Variants in EHHADH observed in about 807,000 individuals in gnomAD.
EHHADH encodes enoyl-CoA hydratase and 3-hydroxyacyl CoA dehydrogenase.
EHHADH carries 48 observed loss-of-function variants against 64.4 expected under a neutral mutation model. The observed-to-expected ratio is 0.75, with a 90% CI of 0.59 to 0.95. EHHADH has a LOEUF of 0.95. EHHADH is among the 40% of genes least tolerant of loss of function. The pLI is 0.00. For synonymous variants in EHHADH, 308 were observed against 326.7 expected, an observed-to-expected ratio of 0.94 and a Z score of 0.62; for missense variants, 854 against 876.6, an observed-to-expected ratio of 0.97 and a Z score of 0.33.
At chr3:185,242,928 G>A (rs531528798) in intron 2 of EHHADH, among the ~76,000 whole-genome samples, 3 of 152,278 alleles carry the variant, frequency 2.0e-5, no homozygotes, top group East Asian at 1.9e-4. Context: ...GCAGACTTTC[G>A]TCTCCCTGTG....
At chr3:185,220,523 A>C (rs553857059) in intron 4 of EHHADH, among the ~76,000 whole-genome samples, 1 of 152,324 alleles carries the variant, frequency 6.6e-6, no homozygotes, top group African/African-American at 2.4e-5. Flanking sequence ...GGTTTGTGTA[A>C]GTAAACCATG....
intron 5 of EHHADH, among the ~76,000 whole-genome samples, chr3:185,214,858 G>T (rs1042999866): frequency 6.6e-6 from 1 of 152,242 alleles, no homozygotes; most frequent in African/African-American, 2.4e-5. Flanking sequence ...TAATCTAAAA[G>T]CTTTAGTGAG....
chr3:185,197,157 G>C (rs1336573405), intron 6 of EHHADH, among the ~76,000 whole-genome samples: 2 of 152,134 alleles, frequency 1.3e-5, no homozygotes, highest in Admixed American at 1.3e-4. Context: ...CTGTTGATGG[G>C]TAGAGGATTT....
At chr3:185,215,347 G>C (rs1326724744) in intron 5 of EHHADH, among the ~76,000 whole-genome samples, 1 of 152,012 alleles carries the variant, frequency 6.6e-6, no homozygotes, top group Non-Finnish European at 1.5e-5. Flanking sequence ...AAATATTAAT[G>C]CATGCAACAA....
intron 6 of EHHADH, among the ~76,000 whole-genome samples, chr3:185,200,592 G>GC (rs984543081): frequency 1.3e-5 from 2 of 152,168 alleles, no homozygotes; most frequent in African/African-American, 4.8e-5. Flanking sequence ...CCTCACAGAT[G>GC]CATATAGACA....
intron 2 of EHHADH, among the ~76,000 whole-genome samples, chr3:185,247,145 G>T (rs952158631): frequency 2.0e-5 from 3 of 152,066 alleles, no homozygotes; most frequent in African/African-American, 7.2e-5. Flanking sequence ...GTCAATTTTT[G>T]TAAATGTTCC....
Position 185,245,477 on chromosome 3 carries a change from A to G in EHHADH, c.178+2937T>C, listed in dbSNP as rs1203674020. 3 of 1,006,922 alleles carry G rather than the reference A, an allele frequency of 3.0e-6. No homozygotes were observed. In the Admixed American group the frequency reaches 7.9e-5, roughly 26 times the overall value. The allele number at this position is 1,006,922 out of a possible 1,614,324, so 62.4% of individuals were successfully genotyped here. ...TTAGCAAATTAGTTAGCTTTGGCAC[A>G]GGGCTGTGCTCGCTTGCCCATGACA... On this transcript the variant is annotated intron_variant, in intron 2 of 6. Coordinates refer to ENST00000231887, the MANE Select transcript of EHHADH (RefSeq NM_001966.4).
chr3:185,243,175 C>G (rs1269512331), intron 2 of EHHADH, among the ~76,000 whole-genome samples: 5 of 152,248 alleles, frequency 3.3e-5, no homozygotes, highest in Non-Finnish European at 4.4e-5. Flanking sequence ...GGATCTCCCT[C>G]TCCCATTTCC....
At chr3:185,228,257 A>AAAAAAATATATATATAT (rs1367786172) in intron 4 of EHHADH, among the ~76,000 whole-genome samples, 3 of 22,002 alleles carry the variant, frequency 1.4e-4, no homozygotes, top group Non-Finnish European at 3.2e-4. Flanking sequence ...AAAAAAAAAA[A>AAAAAAATATATATATAT]ATATATATAT....
intron 2 of EHHADH, chr3:185,245,681 C>A: frequency 1.4e-6 from 1 of 714,034 alleles, no homozygotes; most frequent in Non-Finnish European, 2.6e-6. Flanking sequence ...TTGGAATCTT[C>A]CTTTACAAGT....
At chr3:185,249,912 A>G (rs1719700405) in intron 1 of EHHADH, among the ~76,000 whole-genome samples, 1 of 152,198 alleles carries the variant, frequency 6.6e-6, no homozygotes, top group Non-Finnish European at 1.5e-5. Context: ...GAGTTCTTAA[A>G]GATTTGGGTA....
chr3:185,241,105 A>G (rs1038983687), intron 2 of EHHADH, among the ~76,000 whole-genome samples: 1 of 152,120 alleles, frequency 6.6e-6, no homozygotes, highest in East Asian at 1.9e-4. Flanking sequence ...ATAGTCTCCA[A>G]TCTCATCCAG....
intron 6 of EHHADH, among the ~76,000 whole-genome samples, chr3:185,202,270 C>G (rs144414112): frequency 1.4e-5 from 2 of 147,272 alleles, no homozygotes; most frequent in Admixed American, 7.0e-5. Flanking sequence ...ACCTGGGAGG[C>G]GGAGGTTGTG....
At chr3:185,226,402 A>C (rs1171927504) in intron 4 of EHHADH, among the ~76,000 whole-genome samples, 2 of 152,156 alleles carry the variant, frequency 1.3e-5, no homozygotes, top group African/African-American at 4.8e-5. Context: ...TAATCCCAGC[A>C]CTTTGGGAGG....
intron 4 of EHHADH, among the ~76,000 whole-genome samples, chr3:185,223,156 G>A (rs1718881167): frequency 6.6e-6 from 1 of 152,116 alleles, no homozygotes; most frequent in Admixed American, 6.5e-5. Flanking sequence ...CCTCTGTTAT[G>A]TATCTTCCAT....
At chr3:185,195,532 T>C (rs1577352679) in intron 6 of EHHADH, among the ~76,000 whole-genome samples, 1 of 152,308 alleles carries the variant, frequency 6.6e-6, no homozygotes, top group East Asian at 1.9e-4. Flanking sequence ...TGAAAATACA[T>C]GTCCACATAA....
chr3:185,192,508 T>G lies in EHHADH; in HGVS notation c.1890A>C (p.Glu630Asp). ...LERCLYSLIN[E>D]AFRILGEGIA... ...TCCCTTCTCCCAAGATACGGAATGCTTCATTGATAAGTGAATATAAGCAGC... is the reference window on the plus strand; with the variant it reads ...TCCCTTCTCCCAAGATACGGAATGCGTCATTGATAAGTGAATATAAGCAGC... Residue 630 changes from glutamate to aspartate, a missense_variant, in exon 7 of 7, where the codon GAA becomes GAC. Coordinates refer to ENST00000231887, the MANE Select transcript of EHHADH (RefSeq NM_001966.4). The G allele has an allele frequency of 6.2e-7, 1 of 1,614,222 alleles. No homozygotes were observed. The highest frequency in any genetic ancestry group is 8.5e-7 in the Non-Finnish European group (1 of 1,180,036).
Position 185,253,245 on chromosome 3 carries a change from A to G in EHHADH, c.74+704T>C, listed in dbSNP as rs1719797948. 2.6e-5 allele frequency: 4 copies of G among 151,364 alleles called. No individual in the cohort carries two copies. In the South Asian group the frequency reaches 8.4e-4, roughly 32 times the overall value. The allele number at this position is 151,364 out of a possible 1,614,324, so 9.4% of individuals were successfully genotyped here. On this transcript the variant is annotated intron_variant, in intron 1 of 6. Coordinates refer to ENST00000231887, the MANE Select transcript of EHHADH (RefSeq NM_001966.4). Reference sequence around the variant, plus strand: ...GTGGGACTTTTAACATTAAAAAAAAAAAAAAAAAAAGTCCCACTAATGCCA... The same window carrying G: ...GTGGGACTTTTAACATTAAAAAAAAGAAAAAAAAAAGTCCCACTAATGCCA...
intron 6 of EHHADH, among the ~76,000 whole-genome samples, chr3:185,202,296 G>A (rs1449788015): frequency 1.4e-5 from 2 of 147,964 alleles, no homozygotes; most frequent in African/African-American, 2.5e-5. Context: ...CTGAGATTGC[G>A]CCACTGCACT....
Sources: allele counts gnomAD v4.1 joint callset (sites outside exome capture counted in the v4.1 genomes callset), GRCh38; gene constraint gnomAD v4.1.1; transcripts MANE v1.5; gene names NCBI Gene and HGNC (gene_info 2026-07-23, HGNC 2026-07-21).